Variants in AAK1 observed in about 807,000 individuals in gnomAD.
AAK1 encodes AP2-associated protein kinase 1.
A neutral mutation model predicts 116.0 loss-of-function variants in AAK1; 37 were observed. The observed-to-expected ratio is 0.32, with a 90% CI of 0.25 to 0.42. The LOEUF (loss-of-function observed/expected upper bound fraction) is 0.42, where lower values mean the gene tolerates loss of function less well. Ranked by LOEUF, AAK1 falls within the 10% of genes least tolerant of loss-of-function variation. The probability of loss-of-function intolerance (pLI) is 1.00; values close to 1 mark genes in which losing one functional copy is unlikely to be tolerated. For missense variants in AAK1, 919 were observed against 1,170.6 expected, an observed-to-expected ratio of 0.79 and a Z score of 3.14; for synonymous variants, 458 against 439.9, an observed-to-expected ratio of 1.04 and a Z score of -0.51.
At position 69,471,861 on chromosome 2, in the gene AAK1, A is replaced by C; in HGVS notation, c.*4008T>G. On this transcript the variant is annotated 3_prime_UTR_variant, in exon 22 of 22. Transcript: ENST00000409085. ...ATTGGTTGATCAATTATCTGTCAGG[A>C]GAGTAGGAAATAAGTAATCAAAACA... is the stretch of plus-strand genomic sequence containing the variant. 2 of 985,338 alleles carry C rather than the reference A, an allele frequency of 2.0e-6. No individual in the cohort carries two copies. The highest frequency in any genetic ancestry group is 2.4e-6 in the Non-Finnish European group (2 of 829,838). The allele number at this position is 985,338 out of a possible 1,614,324, so 61.0% of individuals were successfully genotyped here.
chr2:69,629,757 G>A (rs1645801651), intron 2 of AAK1, among the ~76,000 whole-genome samples: 1 of 152,166 alleles, frequency 6.6e-6, no homozygotes, highest in Admixed American at 6.5e-5. Context: ...CTGTTGCCAT[G>A]TTCAAATTTA....
At chr2:69,558,954 T>A (rs185300301) in intron 2 of AAK1, among the ~76,000 whole-genome samples, 1 of 152,304 alleles carries the variant, frequency 6.6e-6, no homozygotes, top group East Asian at 1.9e-4. Context: ...TAGGTTTTTG[T>A]TCCTTGCAAC....
Position 69,514,544 on chromosome 2 carries a change from G to A in AAK1, c.1703C>T (p.Thr568Ile). The stretch of plus-strand genomic sequence containing the variant: ...CTGGGGCTGCTGTCCTGCTGCCATA[G>A]TGGGCTTTTGCTGCAAGGCAGCCTG... ...TQQAALQQKP[T>I]MAAGQQPQPQ... The change falls in exon 13 of 22, where the codon ACT becomes ATT. Residue 568 changes from threonine to isoleucine, a missense_variant. Thr to Ile is a moderately conservative substitution (Grantham distance 89). Coordinates refer to ENST00000409085, the MANE Select transcript of AAK1 (RefSeq NM_014911.5). 1.3e-6 allele frequency: 2 copies of A among 1,553,608 alleles called. No individual in the cohort carries two copies. The highest frequency in any genetic ancestry group is 1.7e-6 in the Non-Finnish European group (2 of 1,148,238).
chr2:69,518,887 A>T, intron 12 of AAK1, 67 bp downstream of exon 12: 1 of 1,469,210 alleles, frequency 6.8e-7, no homozygotes, highest in Non-Finnish European at 9.0e-7. Context: ...AGACACCTTT[A>T]CCTAGTGGGC....
At position 69,642,957 on chromosome 2, in the gene AAK1, C is replaced by G. The variant is rs1675810527; in HGVS notation, c.84G>C (p.Ser28=). 1.2e-6 allele frequency: 2 copies of G among 1,613,648 alleles called. No homozygotes were observed. The highest frequency in any genetic ancestry group is 1.7e-6 in the Non-Finnish European group (2 of 1,179,810). The change falls in exon 2 of 22, where the codon TCG becomes TCC. Residue 28 remains serine, a synonymous_variant. Coordinates refer to ENST00000409085, the MANE Select transcript of AAK1 (RefSeq NM_014911.5). Reference sequence around the variant, plus strand: ...TTCCGATGTAGCCACTGCCCAGGCCCGAGGTGCTGCCCCCTCCTCCGCTGG... The same window carrying G: ...TTCCGATGTAGCCACTGCCCAGGCCGGAGGTGCTGCCCCCTCCTCCGCTGG... The part of the protein sequence containing the change: ...SGSSGGGGST[S]GLGSGYIGRV...
At chr2:69,600,205 C>T (rs766530030) in intron 2 of AAK1, among the ~76,000 whole-genome samples, 1 of 151,678 alleles carries the variant, frequency 6.6e-6, no homozygotes, top group African/African-American at 2.4e-5. Flanking sequence ...AGGAGAGAAC[C>T]CGATGGCTAG....
At position 69,471,203 on chromosome 2, in the gene AAK1, G is replaced by C; in HGVS notation, c.*4666C>G. The C allele has an allele frequency of 1.0e-6, 1 of 985,464 alleles. No homozygotes were observed. Among genetic ancestry groups the C allele is most frequent in the Non-Finnish European group, 1.2e-6 (1 of 829,934 alleles). 61.0% of individuals were successfully genotyped at this position (985,464 alleles called of 1,614,324 possible). A position where few individuals can be genotyped will look rare whatever the true frequency, so the allele number is the denominator to read the frequency against. On this transcript the variant is annotated 3_prime_UTR_variant, in exon 22 of 22. Transcript: ENST00000409085. ...GTCACTACATCAAAGTGTGAACCAA[G>C]AACGTGTCTTTAATTCTAGCAACTA... is the stretch of plus-strand genomic sequence containing the variant.
chr2:69,495,933 C>T, intron 17 of AAK1, 52 bp downstream of exon 17: 1 of 1,459,972 alleles, frequency 6.8e-7, no homozygotes, highest in South Asian at 1.3e-5. Flanking sequence ...TCTACAAGGC[C>T]TGGGACATGC....
At chr2:69,484,932 T>C (rs925021599) in intron 17 of AAK1, among the ~76,000 whole-genome samples, 1 of 151,850 alleles carries the variant, frequency 6.6e-6, no homozygotes, top group Non-Finnish European at 1.5e-5. Flanking sequence ...AAGGAAGTTT[T>C]TCAGTTGCAG....
intron 17 of AAK1, among the ~76,000 whole-genome samples, chr2:69,488,059 C>T (rs1675370987): frequency 6.6e-6 from 1 of 151,858 alleles, no homozygotes; most frequent in South Asian, 2.1e-4. Context: ...CAGGTGTGAG[C>T]CACTGTGCTC....
chr2:69,477,196 G>GA (rs1182461264), intron 20 of AAK1, among the ~76,000 whole-genome samples: 1 of 94,454 alleles, frequency 1.1e-5, no homozygotes, highest in Non-Finnish European at 2.1e-5. Flanking sequence ...TGGCCATGTT[G>GA]ACTTTTATAA....
chr2:69,538,119 C>T (rs1350183680), intron 5 of AAK1, among the ~76,000 whole-genome samples: 6 of 152,254 alleles, frequency 3.9e-5, no homozygotes, highest in Admixed American at 3.3e-4. Flanking sequence ...GTGTATTCTC[C>T]ACCTACAGAT....
rs1169993496 is a variant in AAK1, at chr2:69,472,843, G to C, written c.*3026C>G. Reference sequence around the variant, plus strand: ...AATAGGTAGGTGTGTGTCCACGCATGTGTTTCTGTAATACTTAAAAAGGAA... The same window carrying C: ...AATAGGTAGGTGTGTGTCCACGCATCTGTTTCTGTAATACTTAAAAAGGAA... On this transcript the variant is annotated 3_prime_UTR_variant, in exon 22 of 22. Coordinates refer to ENST00000409085, the MANE Select transcript of AAK1 (RefSeq NM_014911.5). 1.0e-6 allele frequency: 1 copy of C among 985,538 alleles called. No homozygotes were observed. The highest frequency in any genetic ancestry group is 1.7e-5 in the African/African-American group (1 of 57,214). 61.0% of individuals were successfully genotyped at this position (985,538 alleles called of 1,614,324 possible). A position where few individuals can be genotyped will look rare whatever the true frequency, so the allele number is the denominator to read the frequency against.
Position 69,472,525 on chromosome 2 carries a change from A to G in AAK1, c.*3344T>C. 1.2e-6 allele frequency: 1 copy of G among 845,600 alleles called. No homozygotes were observed. Among genetic ancestry groups the G allele is most frequent in the Non-Finnish European group, 1.4e-6 (1 of 702,558 alleles). The allele number at this position is 845,600 out of a possible 1,614,324, so 52.4% of individuals were successfully genotyped here. A position where few individuals can be genotyped will look rare whatever the true frequency, so the allele number is the denominator to read the frequency against. On this transcript the variant is annotated 3_prime_UTR_variant, in exon 22 of 22. Coordinates refer to ENST00000409085, the MANE Select transcript of AAK1 (RefSeq NM_014911.5). ...GGGAACAACACTTAATTAGATGTCA[A>G]AATTCTGATATGTCTGCTAAAGAAA...
chr2:69,557,152 T>C (rs1334989870), intron 2 of AAK1, among the ~76,000 whole-genome samples, 174 bp from the exon 3 acceptor site: 2 of 152,172 alleles, frequency 1.3e-5, no homozygotes, highest in Admixed American at 6.5e-5. Flanking sequence ...AACTTGGAGA[T>C]ATTACTTGTG....
intron 17 of AAK1, among the ~76,000 whole-genome samples, chr2:69,494,608 T>G (rs755820903): frequency 7.2e-5 from 11 of 152,184 alleles, no homozygotes; most frequent in Non-Finnish European, 1.2e-4. Flanking sequence ...GAAAAGACAG[T>G]GAGCCCCAGC....
intron 2 of AAK1, among the ~76,000 whole-genome samples, chr2:69,560,905 A>G (rs1183672757): frequency 6.6e-6 from 1 of 152,234 alleles, no homozygotes; most frequent in Non-Finnish European, 1.5e-5. Context: ...CTACATACAG[A>G]TAGTAGCAGA....
intron 12 of AAK1, among the ~76,000 whole-genome samples, 185 bp from the exon 13 acceptor site, chr2:69,514,934 G>A (rs1395101678): frequency 6.6e-6 from 1 of 152,172 alleles, no homozygotes; most frequent in Non-Finnish European, 1.5e-5. Flanking sequence ...CACAGCAGCA[G>A]TCCCTTACAC....
intron 2 of AAK1, among the ~76,000 whole-genome samples, chr2:69,586,722 G>A (rs1298575600): frequency 6.6e-6 from 1 of 152,134 alleles, no homozygotes; most frequent in African/African-American, 2.4e-5. Context: ...CCACTCCCGG[G>A]CTCACATTCA....
Sources: gnomAD v4.1 joint callset for allele counts (sites outside exome capture counted in the v4.1 genomes callset) on GRCh38, gnomAD v4.1.1 for gene constraint, MANE v1.5 for transcripts, NCBI Gene and HGNC (gene_info 2026-07-23, HGNC 2026-07-21) for gene names.